The following PHACTR1 variants were observed in gnomAD, a reference collection of about 807,000 sequenced individuals.
PHACTR1 encodes phosphatase and actin regulator 1, also known as RPEL repeat containing 1.
Under a neutral mutation model 69.2 loss-of-function variants are expected in PHACTR1, and 16 were observed. The ratio of observed to expected loss-of-function variants is 0.23; its 90% CI spans 0.16 to 0.35. PHACTR1 has a LOEUF of 0.35. Among genes scored for constraint, PHACTR1 ranks in the 10% least tolerant of loss-of-function variants. The pLI is 1.00. For synonymous variants in PHACTR1, 312 were observed against 284.5 expected, an observed-to-expected ratio of 1.10 and a Z score of -0.97; for missense variants, 510 against 734.7, an observed-to-expected ratio of 0.69 and a Z score of 3.54.
intron 4 of PHACTR1, among the ~76,000 whole-genome samples, chr6:13,044,292 T>C (rs906487417): frequency 3.3e-4 from 51 of 152,304 alleles, no homozygotes; most frequent in African/African-American, 1.2e-3. Flanking sequence ...TTATGAATCA[T>C]CATTGTGACC....
At chr6:13,154,980 G>A (rs765937149) in intron 5 of PHACTR1, among the ~76,000 whole-genome samples, 6 of 151,978 alleles carry the variant, frequency 3.9e-5, no homozygotes, top group South Asian at 2.1e-4. Flanking sequence ...TGTGTTTTAC[G>A]GGTCAGTCAT....
chr6:12,926,444 T>G (rs887205210), intron 4 of PHACTR1, among the ~76,000 whole-genome samples: 1 of 152,238 alleles, frequency 6.6e-6, no homozygotes, highest in South Asian at 2.1e-4. Context: ...ACTTGATTCC[T>G]CACATGAATT....
intron 6 of PHACTR1, among the ~76,000 whole-genome samples, chr6:13,168,107 A>G (rs1219375190): frequency 6.6e-6 from 1 of 152,188 alleles, no homozygotes; most frequent in Non-Finnish European, 1.5e-5. Context: ...CTGACGTCTC[A>G]CCTAGAAATG....
At chr6:13,138,346 A>AT (rs1307215725) in intron 5 of PHACTR1, among the ~76,000 whole-genome samples, 3 of 152,228 alleles carry the variant, frequency 2.0e-5, no homozygotes, top group Non-Finnish European at 4.4e-5. Flanking sequence ...CAGAGAAAGG[A>AT]TTTACAATTG....
chr6:13,074,834 C>G (rs191615148), intron 5 of PHACTR1, among the ~76,000 whole-genome samples: 1 of 151,982 alleles, frequency 6.6e-6, no homozygotes, highest in Admixed American at 6.6e-5. Context: ...TCTTCAGATA[C>G]GGAGAGGACT....
At chr6:13,058,217 G>A (rs547843104) in intron 5 of PHACTR1, among the ~76,000 whole-genome samples, 4 of 152,228 alleles carry the variant, frequency 2.6e-5, no homozygotes, top group Non-Finnish European at 5.9e-5. Flanking sequence ...CAACTGCAGC[G>A]ATCTTATCCA....
intron 4 of PHACTR1, among the ~76,000 whole-genome samples, chr6:12,985,108 T>C (rs893241039): frequency 6.6e-6 from 1 of 152,250 alleles, no homozygotes; most frequent in Non-Finnish European, 1.5e-5. Flanking sequence ...TTATTTTTTA[T>C]TAATAGAATA....
intron 9 of PHACTR1, among the ~76,000 whole-genome samples, chr6:13,229,272 A>G (rs1440300202): frequency 6.6e-6 from 1 of 152,188 alleles, no homozygotes; most frequent in East Asian, 1.9e-4. Context: ...GCTAGATGCC[A>G]GTAGCACCCT....
intron 4 of PHACTR1, among the ~76,000 whole-genome samples, chr6:12,823,431 T>C (rs1776432242): frequency 6.6e-6 from 1 of 152,218 alleles, no homozygotes; most frequent in South Asian, 2.1e-4. Flanking sequence ...GTTCCAATAG[T>C]TCAAAAAAAT....
intron 6 of PHACTR1, among the ~76,000 whole-genome samples, chr6:13,161,773 T>C (rs1173670142): frequency 1.3e-5 from 2 of 152,164 alleles, no homozygotes; most frequent in Non-Finnish European, 2.9e-5. Context: ...GTGGTACTTT[T>C]GAAGTATTTT....
chr6:13,164,966 A>G (rs1451310209), intron 6 of PHACTR1, among the ~76,000 whole-genome samples: 1 of 150,504 alleles, frequency 6.6e-6, no homozygotes, highest in Non-Finnish European at 1.5e-5. Flanking sequence ...TTTTTTTATT[A>G]TTGGCTTCCA....
intron 4 of PHACTR1, among the ~76,000 whole-genome samples, chr6:12,839,543 G>A (rs1778488021): frequency 1.3e-5 from 2 of 152,038 alleles, no homozygotes; most frequent in Non-Finnish European, 2.9e-5. Context: ...TGGGGCCTGT[G>A]GGCTGGGTTC....
At chr6:12,745,144 A>G (rs1765610072) in intron 3 of PHACTR1, among the ~76,000 whole-genome samples, 1 of 152,172 alleles carries the variant, frequency 6.6e-6, no homozygotes, top group African/African-American at 2.4e-5. Context: ...ACTTACTTGA[A>G]AAATTTTCTT....
chr6:12,768,813 C>T (rs1769009273), intron 4 of PHACTR1, among the ~76,000 whole-genome samples: 2 of 19,458 alleles, frequency 1.0e-4, no homozygotes, highest in Non-Finnish European at 1.7e-4. Context: ...GCTATCTACA[C>T]ACACACACAC....
chr6:12,956,502 T>C (rs1378229054), intron 4 of PHACTR1, among the ~76,000 whole-genome samples: 1 of 152,122 alleles, frequency 6.6e-6, no homozygotes, highest in African/African-American at 2.4e-5. Context: ...GGCTTCAAAA[T>C]GTCTATCTAG....
intron 4 of PHACTR1, among the ~76,000 whole-genome samples, chr6:12,926,407 T>G (rs1788271544): frequency 6.6e-6 from 1 of 152,236 alleles, no homozygotes; most frequent in African/African-American, 2.4e-5. Context: ...AGTTCTACCC[T>G]GTTAACCAAT....
chr6:13,154,342 T>C (rs1441519865), intron 5 of PHACTR1, among the ~76,000 whole-genome samples: 1 of 152,028 alleles, frequency 6.6e-6, no homozygotes, highest in Non-Finnish European at 1.5e-5. Flanking sequence ...GTATTTTTAG[T>C]AGAAATGGGG....
intron 7 of PHACTR1, among the ~76,000 whole-genome samples, chr6:13,199,699 A>G (rs945772906): frequency 5.9e-5 from 9 of 152,222 alleles, no homozygotes; most frequent in African/African-American, 2.2e-4. Context: ...CTCTTTATGC[A>G]AACTTGTCTA....
At chr6:12,813,863 C>A (rs1013627408) in intron 4 of PHACTR1, among the ~76,000 whole-genome samples, 1 of 152,178 alleles carries the variant, frequency 6.6e-6, no homozygotes, top group Non-Finnish European at 1.5e-5. Context: ...AGCATCCTTG[C>A]GGAGCTTGCT....
Sources: allele counts gnomAD v4.1 joint callset (sites outside exome capture counted in the v4.1 genomes callset), GRCh38; gene constraint gnomAD v4.1.1; transcripts MANE v1.5; gene names NCBI Gene and HGNC (gene_info 2026-07-23, HGNC 2026-07-21).